The following RDH14 variants were observed in gnomAD, a reference collection of about 807,000 sequenced individuals.
The protein encoded by RDH14 is retinol dehydrogenase 14.
In RDH14, 17 loss-of-function variants were observed where a neutral mutation model predicts 19.3. The observed-to-expected ratio is 0.88, with a 90% CI of 0.60 to 1.32. The LOEUF (loss-of-function observed/expected upper bound fraction) is 1.32, where lower values mean the gene tolerates loss of function less well. Among genes scored for constraint, RDH14 ranks in the 40% most tolerant of loss-of-function variants. RDH14 has a pLI of 0.00. For missense variants in RDH14, 534 were observed against 449.2 expected, an observed-to-expected ratio of 1.19 and a Z score of -1.71; for synonymous variants, 215 against 188.9, an observed-to-expected ratio of 1.14 and a Z score of -1.13.
At position 18,560,293 on chromosome 2, in the gene RDH14, C is replaced by T; in HGVS notation, c.280G>A (p.Ala94Thr). 1 of 1,484,652 alleles carries T rather than the reference C, an allele frequency of 6.7e-7. No homozygotes were observed. Among genetic ancestry groups the T allele is most frequent in the South Asian group, 1.3e-5 (1 of 79,148 alleles). 92.0% of individuals were successfully genotyped at this position (1,484,652 alleles called of 1,614,324 possible). A position where few individuals can be genotyped will look rare whatever the true frequency, so the allele number is the denominator to read the frequency against. The change falls in exon 1 of 2, where the codon GCC becomes ACC. Residue 94 changes from alanine to threonine, a missense_variant. Transcript: ENST00000381249. ...CCAGGCTCTGGGCCGCACTCCGCGG[C>T]CTGGCGGAGCTCGCGGCGGAGCTGA... ...AGQLRRELRQ[A>T]AECGPEPGVS...
At position 18,560,589 on chromosome 2, in the gene RDH14, CCACCGGCCCCT is replaced by C. The variant is rs1255383747; in HGVS notation, c.-28_-18del. ...CACTGCCATCGTCAGGCCCGAGGGC[CCACCGGCCCCT>C]CCACGGGAGTTCCGCAGCCGCCGCC... is the stretch of plus-strand genomic sequence containing the variant. On this transcript the variant is annotated 5_prime_UTR_variant, in exon 1 of 2. Transcript: ENST00000381249. 3.5e-6 allele frequency: 5 copies of C among 1,414,562 alleles called. No individual in the cohort carries two copies. In the East Asian group the frequency reaches 1.2e-4, roughly 34 times the overall value. The allele number at this position is 1,414,562 out of a possible 1,614,324, so 87.6% of individuals were successfully genotyped here.
intron 1 of RDH14, among the ~76,000 whole-genome samples, chr2:18,559,790 C>G (rs1301503744): frequency 6.6e-6 from 1 of 152,132 alleles, no homozygotes; most frequent in Non-Finnish European, 1.5e-5. Flanking sequence ...TCCCCCAGTG[C>G]TCAGGGGTTC....
In RDH14 at chr2:18,555,247, A is replaced by G. The variant is rs1249582463; in HGVS notation, c.955T>C (p.Ser319Pro). The G allele has an allele frequency of 6.2e-7, 1 of 1,614,080 alleles. No homozygotes were observed. The highest frequency in any genetic ancestry group is 1.7e-5 in the Admixed American group (1 of 60,018). Residue 319 changes from serine (S) to proline (P), a missense_variant, in exon 2 of 2, where the codon TCT becomes CCT. Ser to Pro is a moderately conservative substitution (Grantham distance 74, BLOSUM62 -1). Coordinates refer to ENST00000381249, the MANE Select transcript of RDH14 (RefSeq NM_020905.4). ...ATATCCCAGAGTTTTCTTGCAACAGATTCATCCATAGCTTTGGGCAACAGT... is the reference window on the plus strand; with the variant it reads ...ATATCCCAGAGTTTTCTTGCAACAGGTTCATCCATAGCTTTGGGCAACAGT... ...EELLPKAMDESVARKLWDISE... is the reference protein window; with the variant it reads ...EELLPKAMDEPVARKLWDISE...
chr2:18,556,186 T>G (rs1019770000), intron 1 of RDH14, among the ~76,000 whole-genome samples: 1 of 152,208 alleles, frequency 6.6e-6, no homozygotes, highest in African/African-American at 2.4e-5. Context: ...AACAATAACA[T>G]TTACAAATAT....
intron 1 of RDH14, among the ~76,000 whole-genome samples, chr2:18,557,198 C>G (rs954036277): frequency 6.1e-5 from 7 of 114,658 alleles, no homozygotes; most frequent in Non-Finnish European, 1.2e-4. Context: ...CTCGGTTGTT[C>G]TGTTTCTTTT....
In RDH14 at chr2:18,555,365, T is replaced by G; in HGVS notation, c.837A>C (p.Pro279=). Residue 279 remains proline, a synonymous_variant, in exon 2 of 2, where the codon CCA becomes CCC. Transcript: ENST00000381249. The part of the protein sequence containing the change: ...NLVSWAFFKT[P]VEGAQTSIYL... ...AAATGGAAGTCTGGGCACCTTCTAC[T>G]GGAGTTTTGAAAAAAGCCCATGACA... 6.2e-7 allele frequency: 1 copy of G among 1,614,076 alleles called. No individual in the cohort carries two copies. The highest frequency in any genetic ancestry group is 1.3e-5 in the African/African-American group (1 of 75,026).
Position 18,555,524 on chromosome 2 carries a change from AAGAATGTT to A in RDH14, c.670_677del (p.Asn224PhefsTer68). 1 of 1,614,202 alleles carries A rather than the reference AAGAATGTT, an allele frequency of 6.2e-7. No homozygotes were observed. The highest frequency in any genetic ancestry group is 8.5e-7 in the Non-Finnish European group (1 of 1,180,006). On this transcript the variant is annotated frameshift_variant, in exon 2 of 2. Transcript: ENST00000381249. LOFTEE classifies it high-confidence loss of function. The stretch of plus-strand genomic sequence containing the variant: ...AGCGGCGGGCTAGTTCCCTGGTAAA[AAGAATGTT>A]AGCCAGTTTGCTCCGGCTATAACAA...
chr2:18,555,460 C>T lies in RDH14; in HGVS notation c.742G>A (p.Gly248Ser). Residue 248 changes from glycine to serine, a missense_variant, in exon 2 of 2, where the codon GGT becomes AGT. Transcript: ENST00000381249. Reference protein sequence around the residue: ...TNVTVNVLHPGIVRTNLGRHI... With the variant: ...TNVTVNVLHPSIVRTNLGRHI... Reference sequence around the variant, plus strand: ...CTCCCCAGATTTGTCCGTACAATACCAGGATGCAACACATTGACGGTGACA... The same window carrying T: ...CTCCCCAGATTTGTCCGTACAATACTAGGATGCAACACATTGACGGTGACA... 3 of 1,614,122 alleles carry T rather than the reference C, an allele frequency of 1.9e-6. No homozygotes were observed. Among genetic ancestry groups the T allele is most frequent in the South Asian group, 1.1e-5 (1 of 91,080 alleles).
Position 18,560,466 on chromosome 2 carries a change from C to G in RDH14, c.107G>C (p.Gly36Ala), listed in dbSNP as rs969216185. ...GPRVQRLRRG[G>A]DPGLMHGKTV... ...CTTCCCGTGCATGAGGCCGGGGTCC[C>G]CGCCTCTGCGCAGCCGCTGGACCCT... Residue 36 changes from glycine (G) to alanine (A), a missense_variant, in exon 1 of 2, where the codon GGG becomes GCG. Coordinates refer to ENST00000381249, the MANE Select transcript of RDH14 (RefSeq NM_020905.4). 2 of 1,514,216 alleles carry G rather than the reference C, an allele frequency of 1.3e-6. No homozygotes were observed. Among genetic ancestry groups the G allele is most frequent in the East Asian group, 2.6e-5 (1 of 37,922 alleles). The allele number at this position is 1,514,216 out of a possible 1,614,324, so 93.8% of individuals were successfully genotyped here.
chr2:18,556,651 G>GTCTT (rs1217309015), intron 1 of RDH14, among the ~76,000 whole-genome samples: 3 of 152,136 alleles, frequency 2.0e-5, no homozygotes, highest in Non-Finnish European at 4.4e-5. Context: ...TGAAGATGAA[G>GTCTT]TCTTTGACAC....
intron 1 of RDH14, among the ~76,000 whole-genome samples, chr2:18,558,021 T>G (rs958372391): frequency 6.6e-6 from 1 of 152,218 alleles, no homozygotes; most frequent in African/African-American, 2.4e-5. Context: ...CACAGTGATA[T>G]TTGCTCAATA....
chr2:18,556,671 T>G (rs1663931700), intron 1 of RDH14, among the ~76,000 whole-genome samples: 1 of 152,280 alleles, frequency 6.6e-6, no homozygotes, highest in East Asian at 1.9e-4. Context: ...CCAAGGCCTA[T>G]TTTCTTAATT....
Position 18,555,552 on chromosome 2 carries a change from T to TAAC in RDH14, c.647_649dup (p.Cys216dup). The TAAC allele has an allele frequency of 6.2e-7, 1 of 1,614,198 alleles. No homozygotes were observed. The highest frequency in any genetic ancestry group is 8.5e-7 in the Non-Finnish European group (1 of 1,179,996). On this transcript the variant is annotated inframe_insertion, in exon 2 of 2. Transcript: ENST00000381249. Reference sequence around the variant, plus strand: ...AATGTTAGCCAGTTTGCTCCGGCTATAACAAAAGCTTTTATTATAGCTTTG... The same window carrying TAAC: ...AATGTTAGCCAGTTTGCTCCGGCTATAACAACAAAAGCTTTTATTATAGCTTTG...
rs1663869402 is a variant in RDH14, at chr2:18,555,015, C to T, written c.*176G>A. ...TATTTAAAACATCTTTGCTGAAATT[C>T]TCTTATCCCAAAAATAATTTTTCAG... is the stretch of plus-strand genomic sequence containing the variant. On this transcript the variant is annotated 3_prime_UTR_variant, in exon 2 of 2. Coordinates refer to ENST00000381249, the MANE Select transcript of RDH14 (RefSeq NM_020905.4). The T allele has an allele frequency of 9.1e-6, 8 of 875,566 alleles. No individual in the cohort carries two copies. The highest frequency in any genetic ancestry group is 1.3e-5 in the Non-Finnish European group (8 of 602,422). The allele number at this position is 875,566 out of a possible 1,614,324, so 54.2% of individuals were successfully genotyped here. A position where few individuals can be genotyped will look rare whatever the true frequency, so the allele number is the denominator to read the frequency against.
At chr2:18,559,246 C>T (rs775330745) in intron 1 of RDH14, among the ~76,000 whole-genome samples, 2 of 152,204 alleles carry the variant, frequency 1.3e-5, no homozygotes, top group African/African-American at 2.4e-5. Flanking sequence ...TCTTCTACCT[C>T]AATCTCAACG....
At position 18,555,215 on chromosome 2, in the gene RDH14, TTCACTGA is replaced by T; in HGVS notation, c.980_986del (p.Ile327LysfsTer2). The T allele has an allele frequency of 6.2e-7, 1 of 1,614,008 alleles. No individual in the cohort carries two copies. The highest frequency in any genetic ancestry group is 1.1e-5 in the South Asian group (1 of 91,072). On this transcript the variant is annotated frameshift_variant, in exon 2 of 2. Coordinates refer to ENST00000381249, the MANE Select transcript of RDH14 (RefSeq NM_020905.4). LOFTEE classifies it high-confidence loss of function. ...CCTATTTTAGCAGGCCAACCATCAC[TTCACTGA>T]TATCCCAGAGTTTTCTTGCAACAGA...
chr2:18,558,335 C>T (rs1167639414), intron 1 of RDH14, among the ~76,000 whole-genome samples: 1 of 152,112 alleles, frequency 6.6e-6, no homozygotes, highest in South Asian at 2.1e-4. Flanking sequence ...ATGTTATCTT[C>T]TCAAATAGCT....
Position 18,560,247 on chromosome 2 carries a change from A to G in RDH14, c.326T>C (p.Leu109Pro). The change falls in exon 1 of 2, where the codon CTC (leucine) becomes CCC (proline). Residue 109 changes from leucine to proline, a missense_variant. By Grantham distance (98) the Leu-to-Pro change is moderately conservative (BLOSUM62 -3). Transcript: ENST00000381249. ...GGCGAGGTCCAGCTCCCGGACTATG[A>G]GCTCGCCCACCCCGCTGACGCCAGG... The part of the protein sequence containing the change: ...PEPGVSGVGE[L>P]IVRELDLASL... The G allele has an allele frequency of 6.6e-7, 1 of 1,523,274 alleles. No individual in the cohort carries two copies. The highest frequency in any genetic ancestry group is 2.2e-4 in the Middle Eastern group (1 of 4,446). 94.4% of individuals were successfully genotyped at this position (1,523,274 alleles called of 1,614,324 possible).
chr2:18,557,016 T>C (rs530710379), intron 1 of RDH14, among the ~76,000 whole-genome samples: 2 of 152,272 alleles, frequency 1.3e-5, no homozygotes, highest in Admixed American at 1.3e-4. Flanking sequence ...AATCAGGTAA[T>C]ATAAAAATAT....
Sources: gnomAD v4.1 joint callset for allele counts (sites outside exome capture counted in the v4.1 genomes callset) on GRCh38, gnomAD v4.1.1 for gene constraint, MANE v1.5 for transcripts, NCBI Gene and HGNC (gene_info 2026-07-23, HGNC 2026-07-21) for gene names.